The following ACYP2 variants were observed in gnomAD, a reference collection of about 807,000 sequenced individuals.
The protein encoded by ACYP2 is acylphosphatase-2.
Under a neutral mutation model 11.2 loss-of-function variants are expected in ACYP2, and 12 were observed. The ratio of observed to expected loss-of-function variants is 1.08; its 90% CI spans 0.69 to 1.74. The LOEUF is 1.74. Ranked by LOEUF, ACYP2 falls within the 40% of genes most tolerant of loss-of-function variation. The pLI is 0.00. For synonymous variants in ACYP2, 43 were observed against 32.2 expected (o/e 1.33, Z -1.13); for missense variants, 134 against 101.9 (o/e 1.31, Z -1.35).
chr2:54,106,159 G>A (rs1679145182), intron 4 of ACYP2, among the ~76,000 whole-genome samples: 1 of 152,134 alleles, frequency 6.6e-6, no homozygotes, highest in Admixed American at 6.5e-5. Context: ...TCAGCAAAAT[G>A]TTTTTCAGTG....
chr2:53,975,202 C>G (rs566244958), intron 2 of ACYP2: 1 of 385,986 alleles, frequency 2.6e-6, no homozygotes, highest in Non-Finnish European at 4.5e-6. Flanking sequence ...TCCAACCTGG[C>G]GACAGAGCGA....
At chr2:54,006,697 A>G (rs1469607471) in intron 2 of ACYP2, among the ~76,000 whole-genome samples, 1 of 152,182 alleles carries the variant, frequency 6.6e-6, no homozygotes, top group African/African-American at 2.4e-5. Flanking sequence ...GCAGTGGGCA[A>G]TAACAGCTGA....
chr2:54,194,551 A>G (rs1024625439), intron 6 of ACYP2, among the ~76,000 whole-genome samples: 1 of 152,128 alleles, frequency 6.6e-6, no homozygotes, highest in African/African-American at 2.4e-5. Flanking sequence ...GAAGTCCATA[A>G]TGTTATATAA....
At position 54,030,946 on chromosome 2, in the gene ACYP2, T is replaced by C. The variant is rs563174873; in HGVS notation, c.63-20012T>C. 1.6e-4 allele frequency among the ~76,000 whole-genome samples: 25 copies of C among 152,214 alleles called. No individual in the cohort carries two copies. In the South Asian group the frequency reaches 2.7e-3, roughly 16 times the overall value. ...ATGAAGGTCAGATCTGTGCCAATCA[T>C]TGTGTGTGTGACAGTGACCACAGCA... is the stretch of plus-strand genomic sequence containing the variant. On this transcript the variant is annotated intron_variant, in intron 2 of 6. Coordinates refer to ENST00000607452, the MANE Select transcript of ACYP2 (RefSeq NM_001320586.2).
chr2:54,174,603 G>A (rs889443984), intron 6 of ACYP2, among the ~76,000 whole-genome samples: 11 of 152,046 alleles, frequency 7.2e-5, no homozygotes, highest in South Asian at 2.1e-4. Context: ...GTCTTGTGCT[G>A]GTTTTCAAAG....
intron 4 of ACYP2, among the ~76,000 whole-genome samples, chr2:54,079,188 A>G (rs982952588): frequency 1.3e-5 from 2 of 152,186 alleles, no homozygotes; most frequent in Non-Finnish European, 2.9e-5. Flanking sequence ...TTTAGTCCAT[A>G]GAATATCTAA....
At chr2:54,251,662 C>T (rs951249986) in intron 6 of ACYP2, among the ~76,000 whole-genome samples, 6 of 152,226 alleles carry the variant, frequency 3.9e-5, no homozygotes, top group South Asian at 4.2e-4. Context: ...GCACTGACTG[C>T]GTGTGTTCAG....
chr2:54,265,114 T>C (rs1182949796), intron 6 of ACYP2, among the ~76,000 whole-genome samples: 3 of 151,970 alleles, frequency 2.0e-5, no homozygotes, highest in Non-Finnish European at 4.4e-5. Context: ...AAGTAGGGGG[T>C]CAAAAGATAA....
chr2:54,303,913 G>C (rs1265199769), intron 6 of ACYP2, among the ~76,000 whole-genome samples: 3 of 152,168 alleles, frequency 2.0e-5, no homozygotes, highest in Non-Finnish European at 2.9e-5. Context: ...AAAATCCTCA[G>C]TGTTATCTGA....
At chr2:54,080,264 T>C (rs1677573267) in intron 4 of ACYP2, 1 of 152,544 alleles carries the variant, frequency 6.6e-6, no homozygotes, top group East Asian at 1.9e-4. Context: ...CATTGTTTCT[T>C]CTTTTCTTTG....
intron 4 of ACYP2, among the ~76,000 whole-genome samples, chr2:54,123,899 A>G (rs919143789): frequency 6.6e-6 from 1 of 152,216 alleles, no homozygotes; most frequent in Non-Finnish European, 1.5e-5. Context: ...CATCCCCACT[A>G]TAAGGAAGTC....
intron 6 of ACYP2, among the ~76,000 whole-genome samples, chr2:54,209,620 G>A (rs1412749795): frequency 1.3e-5 from 2 of 152,124 alleles, no homozygotes; most frequent in African/African-American, 4.8e-5. Flanking sequence ...AGTTGTAACA[G>A]GTGTTGGCAC....
At chr2:54,035,924 G>C (rs1019019973) in intron 2 of ACYP2, among the ~76,000 whole-genome samples, 2 of 152,038 alleles carry the variant, frequency 1.3e-5, no homozygotes, top group Non-Finnish European at 2.9e-5. Context: ...CTGAGTCTTA[G>C]GCCAGCTAAA....
intron 6 of ACYP2, among the ~76,000 whole-genome samples, chr2:54,165,476 C>CTGTG (rs1375535975): frequency 6.6e-6 from 1 of 151,626 alleles, no homozygotes; most frequent in Non-Finnish European, 1.5e-5. Flanking sequence ...CTCTCTTTCT[C>CTGTG]TGTGTGTGTG....
intron 6 of ACYP2, among the ~76,000 whole-genome samples, chr2:54,276,831 C>T (rs1030447572): frequency 6.6e-6 from 1 of 152,130 alleles, no homozygotes; most frequent in African/African-American, 2.4e-5. Flanking sequence ...CCCTTTGATG[C>T]ACATTTCCCA....
chr2:54,197,013 A>C lies in ACYP2; in HGVS notation c.404+58265A>C, dbSNP rs549891601. On this transcript the variant is annotated intron_variant, in intron 6 of 6. Transcript: ENST00000607452. ...TAGCACAACACTGAGTTAAAACAGC[A>C]CTGTGTTAGGAGAAGGTACTAACAA... Among the ~76,000 whole-genome samples the C allele has an allele frequency of 8.5e-5, 13 of 152,332 alleles. No homozygotes were observed. The South Asian group carries it at 2.7e-3, about 32-fold the overall frequency.
rs188685684 is a variant in ACYP2, at chr2:54,013,551, C to T, written c.63-37407C>T. On this transcript the variant is annotated intron_variant, in intron 2 of 6. Transcript: ENST00000607452. ...CTGACCTCAGGTGATCCACCCACCT[C>T]GTCCTTCCAAAGTGCTGGGATTACA... 1.3e-4 allele frequency among the ~76,000 whole-genome samples: 20 copies of T among 151,948 alleles called. No individual in the cohort carries two copies. In the East Asian group the frequency reaches 3.1e-3, roughly 24 times the overall value.
At chr2:54,283,582 T>C (rs993891577) in intron 6 of ACYP2, among the ~76,000 whole-genome samples, 1 of 152,208 alleles carries the variant, frequency 6.6e-6, no homozygotes, top group African/African-American at 2.4e-5. Flanking sequence ...AAGCCCATGG[T>C]TTTAAACCGT....
intron 6 of ACYP2, among the ~76,000 whole-genome samples, chr2:54,207,173 A>ATGTGTGTGTGTGTGTG (rs58920943): frequency 0.15 from 20,429 of 138,306 alleles, 1,886 homozygotes; most frequent in Non-Finnish European, 0.21. Flanking sequence ...CAACATGTAT[A>ATGTGTGTGTGTGTGTG]TGTGTGTGTG....
Sources: allele counts gnomAD v4.1 joint callset (sites outside exome capture counted in the v4.1 genomes callset), GRCh38; gene constraint gnomAD v4.1.1; transcripts MANE v1.5; gene names NCBI Gene and HGNC (gene_info 2026-07-23, HGNC 2026-07-21).